RP2: variants seen among roughly 807,000 people sequenced by gnomAD.
The protein encoded by RP2 is protein XRP2.
A neutral mutation model predicts 20.3 loss-of-function variants in RP2; 3 were observed. That is an observed-to-expected ratio of 0.15 (90% CI 0.07 to 0.38). The LOEUF (loss-of-function observed/expected upper bound fraction) is 0.38. RP2 is among the 10% of genes least tolerant of loss of function. The pLI is 1.00. For synonymous variants in RP2, 75 were observed against 94.8 expected, an observed-to-expected ratio of 0.79 and a Z score of 1.22; for missense variants, 233 against 268.5, an observed-to-expected ratio of 0.87 and a Z score of 0.92.
intron 1 of RP2, among the ~76,000 whole-genome samples, chrX:46,846,482 G>A (rs1023944034): frequency 4.1e-4 from 45 of 110,149 alleles, no homozygotes; most frequent in Non-Finnish European, 4.5e-4. Context: ...AGCTACTTGG[G>A]AGGCTGAGAC....
chrX:46,869,783 A>G (rs782610834), intron 3 of RP2, among the ~76,000 whole-genome samples: 32 of 104,542 alleles, frequency 3.1e-4, no homozygotes, highest in African/African-American at 1.1e-3. Flanking sequence ...CTAATTTTGT[A>G]TTTTTAGTAG....
At chrX:46,847,779 C>G (rs5906283) in intron 1 of RP2, among the ~76,000 whole-genome samples, 2 of 81,985 alleles carry the variant, frequency 2.4e-5, no homozygotes, top group Non-Finnish European at 4.7e-5. Context: ...TGTGTGTGTA[C>G]ATACACACAT....
intron 1 of RP2, among the ~76,000 whole-genome samples, chrX:46,847,767 T>TATGTGTGTGTGTGTATATACAC (rs781898428): frequency 1.5e-5 from 1 of 68,515 alleles, no homozygotes; most frequent in Admixed American, 1.6e-4. Context: ...TATACACACA[T>TATGTGTGTGTGTGTATATACAC]GTGTGTGTGT....
Position 46,880,027 on chromosome X carries a change from ATATTCT to A in RP2, c.*263_*268del, listed in dbSNP as rs782267266. ...TTGCAGTTTTGTTTCTCTGCATATG[ATATTCT>A]TATTAGAAAACAGAAGTAGCTAAAA... On this transcript the variant is annotated 3_prime_UTR_variant, in exon 5 of 5. Transcript: ENST00000218340. 4.7e-6 allele frequency: 1 copy of A among 214,216 alleles called. No individual in the cohort carries two copies. The highest frequency in any genetic ancestry group is 8.1e-5 in the East Asian group (1 of 12,273). 17.7% of individuals were successfully genotyped at this position (214,216 alleles called of 1,213,427 possible). A position where few individuals can be genotyped will look rare whatever the true frequency, so the allele number is the denominator to read the frequency against.
At chrX:46,850,448 T>TTGTAA (rs1269393921) in intron 1 of RP2, among the ~76,000 whole-genome samples, 4 of 112,178 alleles carry the variant, frequency 3.6e-5, no homozygotes, top group Non-Finnish European at 7.5e-5. Flanking sequence ...AAATTTTGCT[T>TTGTAA]ATTTAAATCT....
intron 1 of RP2, among the ~76,000 whole-genome samples, chrX:46,843,269 A>T (rs782257723): frequency 6.7e-4 from 74 of 111,092 alleles, no homozygotes; most frequent in African/African-American, 2.3e-3. Flanking sequence ...GGCCTCCCAA[A>T]GTGCTGGGAT....
At chrX:46,847,726 GTGTGTATATACACACATA>G (rs1924749782) in intron 1 of RP2, among the ~76,000 whole-genome samples, 1 of 96,525 alleles carries the variant, frequency 1.0e-5, no homozygotes, top group African/African-American at 3.9e-5. Flanking sequence ...ATATATGTGT[GTGTGTATATACACACATA>G]TGTGTGTGTG....
At chrX:46,874,846 A>G (rs781848278) in intron 3 of RP2, among the ~76,000 whole-genome samples, 1 of 108,387 alleles carries the variant, frequency 9.2e-6, no homozygotes, top group African/African-American at 3.3e-5. Context: ...TTAATCTTCT[A>G]TCGCTCTTAA....
intron 1 of RP2, among the ~76,000 whole-genome samples, chrX:46,851,439 C>T (rs987328155): frequency 9.4e-6 from 1 of 105,971 alleles, no homozygotes; most frequent in Non-Finnish European, 1.9e-5. Context: ...GAGTTTAAGA[C>T]CAGCCCGGCT....
chrX:46,847,804 A>ATGTGTG (rs1924776627), intron 1 of RP2, among the ~76,000 whole-genome samples: 4 of 98,758 alleles, frequency 4.1e-5, no homozygotes, highest in African/African-American at 1.5e-4. Flanking sequence ...GTGTGTATAT[A>ATGTGTG]TATACACACA....
At chrX:46,872,279 A>C (rs1925305799) in intron 3 of RP2, among the ~76,000 whole-genome samples, 2 of 112,294 alleles carry the variant, frequency 1.8e-5, no homozygotes, top group Non-Finnish European at 3.8e-5. Context: ...TGTAGACAGC[A>C]TGTAGTTGGT....
chrX:46,851,387 A>G (rs1924856179), intron 1 of RP2, among the ~76,000 whole-genome samples: 1 of 111,859 alleles, frequency 8.9e-6, no homozygotes, highest in South Asian at 3.8e-4. Context: ...CTGTAATCCC[A>G]GCACTTTGGG....
At chrX:46,865,601 G>C (rs1215380431) in intron 3 of RP2, among the ~76,000 whole-genome samples, 1 of 112,293 alleles carries the variant, frequency 8.9e-6, no homozygotes, top group Non-Finnish European at 1.9e-5. Context: ...CGGGAGACAG[G>C]AATATCCACA....
In RP2 at chrX:46,852,064, C is replaced by T. The variant is rs371167164; in HGVS notation, c.103-1412C>T. ...AAAAAAATACAAAAACAAAATTAGC[C>T]GGGTGTGGTGGCAGGCACCTGTGGT... On this transcript the variant is annotated intron_variant, in intron 1 of 4. Transcript: ENST00000218340. Among the ~76,000 whole-genome samples, 56 of 110,924 alleles carry T rather than the reference C, an allele frequency of 5.0e-4. 1 individual carries two copies. The East Asian group carries it at 6.2e-3, about 12-fold the overall frequency.
chrX:46,846,890 G>A (rs1349928138), intron 1 of RP2, among the ~76,000 whole-genome samples: 3 of 110,981 alleles, frequency 2.7e-5, no homozygotes, highest in Admixed American at 1.9e-4. Flanking sequence ...CACCACACTC[G>A]GCTAATATTT....
chrX:46,873,998 T>G (rs782638277), intron 3 of RP2, among the ~76,000 whole-genome samples: 2 of 109,538 alleles, frequency 1.8e-5, no homozygotes, highest in African/African-American at 3.3e-5. Flanking sequence ...ACCCCTCATA[T>G]TTCCTCTACA....
At chrX:46,862,520 C>G (rs955452259) in intron 3 of RP2, among the ~76,000 whole-genome samples, 1 of 108,304 alleles carries the variant, frequency 9.2e-6, no homozygotes, top group African/African-American at 3.4e-5. Context: ...ATTAGCCGGG[C>G]GTGGTGGCGG....
chrX:46,847,702 G>A (rs1167865698), intron 1 of RP2, among the ~76,000 whole-genome samples: 4 of 89,874 alleles, frequency 4.5e-5, no homozygotes, highest in African/African-American at 1.8e-4. Flanking sequence ...ATGTGTGTGT[G>A]TATATATACA....
chrX:46,838,858 T>A (rs1384457868), intron 1 of RP2, among the ~76,000 whole-genome samples: 4 of 112,237 alleles, frequency 3.6e-5, no homozygotes, highest in Non-Finnish European at 5.6e-5. Flanking sequence ...AATGAGTGTG[T>A]AATAAACTTT....
Sources: gnomAD v4.1 joint callset for allele counts (sites outside exome capture counted in the v4.1 genomes callset) on GRCh38, gnomAD v4.1.1 for gene constraint, MANE v1.5 for transcripts, NCBI Gene and HGNC (gene_info 2026-07-23, HGNC 2026-07-21) for gene names.